The following LRTM1 variants were observed in gnomAD, a reference collection of about 807,000 sequenced individuals.
LRTM1 encodes leucine-rich repeat and transmembrane domain-containing protein 1.
Under a neutral mutation model 32.4 loss-of-function variants are expected in LRTM1, and 38 were observed. The observed-to-expected ratio is 1.17, with a 90% CI of 0.91 to 1.54. The LOEUF is 1.54. Ranked by LOEUF, LRTM1 falls within the 40% of genes most tolerant of loss-of-function variation. The pLI, the probability that LRTM1 is intolerant of heterozygous loss-of-function variation, is 0.00. For synonymous variants in LRTM1, 186 were observed against 169.9 expected (o/e 1.09, Z -0.74); for missense variants, 466 against 415.4 (o/e 1.12, Z -1.06).
At chr3:54,923,649 G>T (rs942385059) in intron 2 of LRTM1, among the ~76,000 whole-genome samples, 1 of 152,226 alleles carries the variant, frequency 6.6e-6, no homozygotes, top group Non-Finnish European at 1.5e-5. Flanking sequence ...CATACAAAAG[G>T]CACTCAAATA....
intron 1 of LRTM1, among the ~76,000 whole-genome samples, chr3:54,946,721 C>T (rs1321384858): frequency 6.6e-6 from 1 of 151,924 alleles, no homozygotes; most frequent in Non-Finnish European, 1.5e-5. Flanking sequence ...CTCACTTCTC[C>T]ACTGGATGCA....
At chr3:54,962,124 A>G (rs376182983) in intron 1 of LRTM1, among the ~76,000 whole-genome samples, 7 of 152,310 alleles carry the variant, frequency 4.6e-5, no homozygotes, top group African/African-American at 1.4e-4. Context: ...TCGGGACCCA[A>G]TCACCTCTTA....
chr3:54,928,167 C>G, upstream of LRTM1: 1 of 515,848 alleles, frequency 1.9e-6, no homozygotes, highest in Non-Finnish European at 3.4e-6. Flanking sequence ...CCTCTTCTTT[C>G]TTAAAATGTT....
chr3:54,960,225 CT>C (rs964020486), intron 1 of LRTM1, among the ~76,000 whole-genome samples: 7 of 152,186 alleles, frequency 4.6e-5, no homozygotes, highest in Admixed American at 2.0e-4. Context: ...AGAAAATCTT[CT>C]GCTGCGGCCT....
chr3:54,960,542 T>C (rs773377627), intron 1 of LRTM1, among the ~76,000 whole-genome samples: 1 of 152,224 alleles, frequency 6.6e-6, no homozygotes, highest in Non-Finnish European at 1.5e-5. Context: ...GTTCAGGCTT[T>C]ACCAAGATTA....
intron 1 of LRTM1, among the ~76,000 whole-genome samples, chr3:54,927,439 T>C (rs757393505): frequency 3.3e-5 from 5 of 152,208 alleles, no homozygotes; most frequent in Non-Finnish European, 7.3e-5. Flanking sequence ...CCCTCAGTAA[T>C]GAACGGACAC....
chr3:54,959,887 T>C (rs1701989838), intron 1 of LRTM1, among the ~76,000 whole-genome samples: 1 of 152,180 alleles, frequency 6.6e-6, no homozygotes, highest in Non-Finnish European at 1.5e-5. Context: ...TTTCTTCAGA[T>C]GAAGTCTGGA....
intron 1 of LRTM1, among the ~76,000 whole-genome samples, chr3:54,933,544 G>A (rs538407439): frequency 6.6e-6 from 1 of 152,294 alleles, no homozygotes; most frequent in African/African-American, 2.4e-5. Context: ...GCTGGGAAAT[G>A]TTGTCTAGCA....
intron 1 of LRTM1, among the ~76,000 whole-genome samples, chr3:54,964,079 T>C (rs1032247558): frequency 6.6e-6 from 1 of 152,166 alleles, no homozygotes; most frequent in African/African-American, 2.4e-5. Flanking sequence ...GCAATTCTTA[T>C]AACAATAATT....
intron 1 of LRTM1, among the ~76,000 whole-genome samples, chr3:54,925,618 G>A (rs1167777560): frequency 6.6e-6 from 1 of 152,242 alleles, no homozygotes; most frequent in African/African-American, 2.4e-5. Context: ...TTACATTTCT[G>A]TAAAGTATGC....
intron 1 of LRTM1, among the ~76,000 whole-genome samples, chr3:54,965,282 G>T (rs1322952862): frequency 6.6e-6 from 1 of 152,124 alleles, no homozygotes; most frequent in African/African-American, 2.4e-5. Context: ...AAGACCTTTT[G>T]CCATTTGACC....
chr3:54,924,873 A>G lies in LRTM1; in HGVS notation c.350T>C (p.Leu117Pro). The change falls in exon 2 of 3, where the codon CTT becomes CCT. Residue 117 changes from leucine (L) to proline (P), a missense_variant. Physicochemically the swap from Leu to Pro is moderately conservative, Grantham distance 98 (BLOSUM62 -3). Coordinates refer to ENST00000273286, the MANE Select transcript of LRTM1 (RefSeq NM_020678.4). Reference sequence around the variant, plus strand: ...CCTCAGCTGAGGGAGGGAATGGAAAAGTCTGCTTTCCAGGGAAAGGAGTGA... The same window carrying G: ...CCTCAGCTGAGGGAGGGAATGGAAAGGTCTGCTTTCCAGGGAAAGGAGTGA... ...QNSLLSLESR[L>P]FHSLPQLREL... The G allele has an allele frequency of 6.2e-7, 1 of 1,613,746 alleles. No homozygotes were observed. Among genetic ancestry groups the G allele is most frequent in the Non-Finnish European group, 8.5e-7 (1 of 1,179,712 alleles).
At chr3:54,951,556 C>T (rs1211647136) in intron 1 of LRTM1, among the ~76,000 whole-genome samples, 4 of 152,158 alleles carry the variant, frequency 2.6e-5, no homozygotes, top group East Asian at 1.9e-4. Context: ...CCAGAACAGA[C>T]CCCTAGGGGG....
At chr3:54,940,203 CAT>C (rs996458071) in intron 1 of LRTM1, among the ~76,000 whole-genome samples, 2 of 152,220 alleles carry the variant, frequency 1.3e-5, no homozygotes, top group East Asian at 1.9e-4. Context: ...ACTTTTGAGA[CAT>C]GTGCACAGTT....
chr3:54,924,433 C>G (rs1700950368), intron 2 of LRTM1, among the ~76,000 whole-genome samples, 186 bp downstream of exon 2: 1 of 152,110 alleles, frequency 6.6e-6, no homozygotes, highest in Non-Finnish European at 1.5e-5. Flanking sequence ...AATTTCGAAC[C>G]TGAATTTAAA....
chr3:54,933,011 A>G (rs1382268297), upstream of LRTM1, among the ~76,000 whole-genome samples: 1 of 152,064 alleles, frequency 6.6e-6, no homozygotes, highest in Non-Finnish European at 1.5e-5. Context: ...ATACAGAGCT[A>G]TTTTAAAGTT....
At chr3:54,946,514 A>G (rs1407614254) in intron 1 of LRTM1, among the ~76,000 whole-genome samples, 1 of 152,212 alleles carries the variant, frequency 6.6e-6, no homozygotes, top group African/African-American at 2.4e-5. Flanking sequence ...CGTTAGCAGC[A>G]GGAAAGAAGA....
chr3:54,928,021 T>G lies in LRTM1; in HGVS notation c.-110A>C. The G allele has an allele frequency of 5.1e-6, 5 of 984,676 alleles. No individual in the cohort carries two copies. Among genetic ancestry groups the G allele is most frequent in the Non-Finnish European group, 8.0e-6 (5 of 622,442 alleles). The allele number at this position is 984,676 out of a possible 1,614,324, so 61.0% of individuals were successfully genotyped here. On this transcript the variant is annotated 5_prime_UTR_variant, in exon 1 of 3. Coordinates refer to ENST00000273286, the MANE Select transcript of LRTM1 (RefSeq NM_020678.4). ...CAGAGCCCAGCTTTACATTCAGTCTTTCTGAACCCTGCCCTTGCTTTTCTT... is the reference window on the plus strand; with the variant it reads ...CAGAGCCCAGCTTTACATTCAGTCTGTCTGAACCCTGCCCTTGCTTTTCTT...
intron 1 of LRTM1, among the ~76,000 whole-genome samples, chr3:54,965,451 G>T (rs1172251564): frequency 6.6e-6 from 1 of 152,072 alleles, no homozygotes; most frequent in Non-Finnish European, 1.5e-5. Flanking sequence ...GGCTCTCCAT[G>T]CCTCACCTTA....
Sources: gnomAD v4.1 joint callset for allele counts (sites outside exome capture counted in the v4.1 genomes callset) on GRCh38, gnomAD v4.1.1 for gene constraint, MANE v1.5 for transcripts, NCBI Gene and HGNC (gene_info 2026-07-23, HGNC 2026-07-21) for gene names.